Variants in WWOX observed in about 807,000 individuals in gnomAD.
WWOX encodes the protein WW domain-containing oxidoreductase.
WWOX carries 69 observed loss-of-function variants against 46.2 expected under a neutral mutation model. The ratio of observed to expected loss-of-function variants is 1.49; its 90% confidence interval spans 1.23 to 1.82. The LOEUF is 1.82. Among genes scored for constraint, WWOX ranks in the 40% most tolerant of loss-of-function variants. The pLI is 0.00. For missense variants in WWOX, 919 were observed against 542.6 expected (o/e 1.69, Z -6.89); for synonymous variants, 359 against 202.6 (o/e 1.77, Z -6.56).
chr16:78,675,179 A>G (rs1280648678), intron 8 of WWOX, among the ~76,000 whole-genome samples: 1 of 152,140 alleles, frequency 6.6e-6, no homozygotes, highest in Admixed American at 6.6e-5. Context: ...TTTTATGTAT[A>G]TTTAACAGGT....
chr16:78,665,663 A>G (rs571532272), intron 8 of WWOX, among the ~76,000 whole-genome samples: 2 of 152,228 alleles, frequency 1.3e-5, no homozygotes, highest in African/African-American at 2.4e-5. Context: ...AGCTGACCCA[A>G]GACACACATG....
At chr16:78,935,048 A>G (rs2045707276) in intron 8 of WWOX, among the ~76,000 whole-genome samples, 1 of 152,208 alleles carries the variant, frequency 6.6e-6, no homozygotes, top group South Asian at 2.1e-4. Flanking sequence ...TCAAAACCAC[A>G]ATGAGATACC....
At chr16:78,575,620 C>T (rs2151580470) in intron 8 of WWOX, among the ~76,000 whole-genome samples, 1 of 152,264 alleles carries the variant, frequency 6.6e-6, no homozygotes, top group South Asian at 2.1e-4. Context: ...ATTTAATAAG[C>T]ACCTACTGTG....
chr16:78,288,520 A>T (rs1315953971), intron 5 of WWOX, among the ~76,000 whole-genome samples: 1 of 152,152 alleles, frequency 6.6e-6, no homozygotes, highest in African/African-American at 2.4e-5. Context: ...TTTCCCTGCA[A>T]AGGAGAAGAA....
chr16:78,427,718 C>T (rs562897471), intron 7 of WWOX, among the ~76,000 whole-genome samples: 15 of 152,098 alleles, frequency 9.9e-5, no homozygotes, highest in South Asian at 2.1e-4. Context: ...TTTGAGGTTG[C>T]GGTAAGCGTT....
At chr16:79,111,254 C>G (rs547857641) in intron 8 of WWOX, among the ~76,000 whole-genome samples, 2 of 152,146 alleles carry the variant, frequency 1.3e-5, no homozygotes, top group Non-Finnish European at 2.9e-5. Context: ...CACTGAGACC[C>G]GGGACACAGG....
chr16:78,165,724 T>G (rs921851246), intron 5 of WWOX, among the ~76,000 whole-genome samples: 2 of 152,294 alleles, frequency 1.3e-5, no homozygotes, highest in African/African-American at 2.4e-5. Flanking sequence ...TTAAGAAAAT[T>G]TTTGGTACTC....
intron 8 of WWOX, among the ~76,000 whole-genome samples, chr16:78,737,333 A>T (rs532904421): frequency 5.0e-4 from 75 of 151,416 alleles, no homozygotes; most frequent in African/African-American, 1.8e-3. Flanking sequence ...ATGCGGTTTC[A>T]TCATGTTGAT....
At position 78,578,254 on chromosome 16, in the gene WWOX, T is replaced by TTTTA. The variant is rs1462537260; in HGVS notation, c.1056+145503_1056+145504insTTAT. On this transcript the variant is annotated intron_variant, in intron 8 of 8. Transcript: ENST00000566780. ...TACAAATATATGTGCATACCAAATT[T>TTTTA]TATATATATATATATATATATATAT... is the stretch of plus-strand genomic sequence containing the variant. Among the ~76,000 whole-genome samples the TTTTA allele has an allele frequency of 1.5e-3, 48 of 31,646 alleles. 2 individuals are homozygous for TTTTA. The highest frequency in any genetic ancestry group is 2.7e-3 in the African/African-American group (28 of 10,298). 20.8% of individuals were successfully genotyped at this position (31,646 alleles called of 152,430 possible). A position where few individuals can be genotyped will look rare whatever the true frequency, so the allele number is the denominator to read the frequency against.
At chr16:78,343,118 C>A (rs1374745839) in intron 5 of WWOX, among the ~76,000 whole-genome samples, 4 of 120,524 alleles carry the variant, frequency 3.3e-5, no homozygotes, top group African/African-American at 1.1e-4. Flanking sequence ...TCAACATAAG[C>A]CTCATGAGAC....
intron 8 of WWOX, among the ~76,000 whole-genome samples, chr16:78,823,033 A>G (rs1183950664): frequency 6.6e-6 from 1 of 152,224 alleles, no homozygotes; most frequent in Non-Finnish European, 1.5e-5. Context: ...TTCAACTTGG[A>G]AAACAGGGAA....
At chr16:78,963,434 A>T (rs2046308745) in intron 8 of WWOX, among the ~76,000 whole-genome samples, 1 of 152,190 alleles carries the variant, frequency 6.6e-6, no homozygotes, top group African/African-American at 2.4e-5. Flanking sequence ...ACACTGCTGC[A>T]CTCAACTTGG....
chr16:78,685,174 C>T (rs2047826026), intron 8 of WWOX, among the ~76,000 whole-genome samples: 2 of 152,082 alleles, frequency 1.3e-5, no homozygotes, highest in South Asian at 4.1e-4. Context: ...CCTGGGAGGA[C>T]TGGGAGAGAT....
chr16:78,975,041 C>G (rs1203839206), intron 8 of WWOX, among the ~76,000 whole-genome samples: 1 of 152,166 alleles, frequency 6.6e-6, no homozygotes, highest in East Asian at 1.9e-4. Flanking sequence ...TGTGAAAAGG[C>G]CTTCACTATT....
rs186106809 is a variant in WWOX, at chr16:78,150,402, G to A, written c.410-13781G>A. Among the ~76,000 whole-genome samples, 40 of 152,198 alleles carry A rather than the reference G, an allele frequency of 2.6e-4. No homozygotes were observed. In the East Asian group the frequency reaches 3.5e-3, roughly 13 times the overall value. On this transcript the variant is annotated intron_variant, in intron 4 of 8. Transcript: ENST00000566780. Reference sequence around the variant, plus strand: ...TGTTGTTGTTTTGAGATAGGGTCTCGCTCTGTTGCCCAGGCTGCAGTGCAG... The same window carrying A: ...TGTTGTTGTTTTGAGATAGGGTCTCACTCTGTTGCCCAGGCTGCAGTGCAG...
At chr16:78,529,721 C>T (rs1597218221) in intron 8 of WWOX, among the ~76,000 whole-genome samples, 1 of 152,108 alleles carries the variant, frequency 6.6e-6, no homozygotes, top group East Asian at 1.9e-4. Context: ...CCCACCTCGG[C>T]CTCCCAAAGT....
At chr16:78,725,770 G>C (rs1036421951) in intron 8 of WWOX, among the ~76,000 whole-genome samples, 1 of 152,036 alleles carries the variant, frequency 6.6e-6, no homozygotes, top group African/African-American at 2.4e-5. Flanking sequence ...GAAGGCTCCA[G>C]GGATGATCTA....
chr16:78,424,231 C>T (rs1207216057), intron 6 of WWOX, among the ~76,000 whole-genome samples: 3 of 150,882 alleles, frequency 2.0e-5, no homozygotes, highest in African/African-American at 7.3e-5. Flanking sequence ...GATTCTCCGG[C>T]CTCAGCCTCC....
chr16:78,921,195 A>G (rs2045370265), intron 8 of WWOX, among the ~76,000 whole-genome samples: 1 of 152,226 alleles, frequency 6.6e-6, no homozygotes, highest in African/African-American at 2.4e-5. Flanking sequence ...AGGGTATTCA[A>G]GTCTGCAGGC....
Sources: allele counts gnomAD v4.1 joint callset (sites outside exome capture counted in the v4.1 genomes callset), GRCh38; gene constraint gnomAD v4.1.1; transcripts MANE v1.5; gene names NCBI Gene and HGNC (gene_info 2026-07-23, HGNC 2026-07-21).